PNCK: variants seen among roughly 807,000 people sequenced by gnomAD.
The protein encoded by PNCK is pregnancy up-regulated nonubiquitous CaM kinase.
PNCK carries 21 observed loss-of-function variants against 28.3 expected under a neutral mutation model. The observed-to-expected ratio is 0.74, with a 90% CI of 0.53 to 1.07. The LOEUF is 1.07. PNCK is among the 50% of genes least tolerant of loss of function. The pLI, the probability that PNCK is intolerant of heterozygous loss-of-function variation, is 0.00. For missense variants in PNCK, 250 were observed against 298.3 expected, an observed-to-expected ratio of 0.84 and a Z score of 1.19; for synonymous variants, 136 against 125.2, an observed-to-expected ratio of 1.09 and a Z score of -0.58.
chrX:153,673,700 G>A, intron 1 of PNCK, 80 bp downstream of exon 1: 1 of 564,591 alleles, frequency 1.8e-6, no homozygotes, highest in Middle Eastern at 1.0e-3. Flanking sequence ...TGCTGCGGAC[G>A]CGCAAGGCTG....
intron 7 of PNCK, 24 bp downstream of exon 7, chrX:153,671,261 C>T (rs1557039707): frequency 8.3e-7 from 1 of 1,207,764 alleles, no homozygotes; most frequent in Non-Finnish European, 1.1e-6. Flanking sequence ...AGGCAGGAGA[C>T]AAGCCTTCCC....
At chrX:153,673,178 G>T (rs1303526139) in intron 1 of PNCK, 100 bp from the exon 2 acceptor site, 2 of 1,176,998 alleles carry the variant, frequency 1.7e-6, no homozygotes, top group African/African-American at 3.6e-5. Context: ...CTCAGCCATT[G>T]CCGCTGCGCG....
chrX:153,685,132 G>A (rs2091413136), intron 1 of PNCK, among the ~76,000 whole-genome samples: 1 of 107,008 alleles, frequency 9.3e-6, no homozygotes, highest in Non-Finnish European at 1.9e-5. Flanking sequence ...GCGGAGGCTT[G>A]GAAAGGGCTG....
In PNCK at chrX:153,673,813, T is replaced by G; in HGVS notation, c.-36A>C. On this transcript the variant is annotated 5_prime_UTR_variant, in exon 1 of 12. Transcript: ENST00000340888. The stretch of plus-strand genomic sequence containing the variant: ...GGTGCCGCAGCGTCGTGCCGCGCAG[T>G]GGCCGCAGCGCCAAGCCCCCCGCCC... 1.3e-6 allele frequency: 1 copy of G among 749,261 alleles called. No individual in the cohort carries two copies. The highest frequency in any genetic ancestry group is 1.6e-6 in the Non-Finnish European group (1 of 636,687). The allele number at this position is 749,261 out of a possible 1,213,427, so 61.7% of individuals were successfully genotyped here. A position where few individuals can be genotyped will look rare whatever the true frequency, so the allele number is the denominator to read the frequency against.
chrX:153,670,603 A>G lies in PNCK; in HGVS notation c.895-9T>C. 1 of 1,208,267 alleles carries G rather than the reference A, an allele frequency of 8.3e-7. No homozygotes were observed. Among genetic ancestry groups the G allele is most frequent in the Non-Finnish European group, 1.1e-6 (1 of 894,090 alleles). The stretch of plus-strand genomic sequence containing the variant: ...GTGGCATTGAAGGCTCGCTGCCAGA[A>G]GAGAGGGAGATCAGGCCAGGCCTGG... On this transcript the variant is annotated splice_polypyrimidine_tract_variant and intron_variant, in intron 10 of 11. Transcript: ENST00000340888.
At chrX:153,681,706 T>G (rs1248501765) in intron 1 of PNCK, among the ~76,000 whole-genome samples, 1 of 112,481 alleles carries the variant, frequency 8.9e-6, no homozygotes, top group Non-Finnish European at 1.9e-5. Context: ...CAGTGTTGAT[T>G]CATTGTTTGC....
intron 1 of PNCK, among the ~76,000 whole-genome samples, chrX:153,685,076 C>T (rs1257725250): frequency 9.6e-6 from 1 of 104,285 alleles, no homozygotes; most frequent in Non-Finnish European, 2.0e-5. Flanking sequence ...TGCACATGCT[C>T]GGAACCCCCC....
chrX:153,674,332 C>T (rs1442420451), upstream of PNCK: 23 of 726,731 alleles, frequency 3.2e-5, no homozygotes, highest in Non-Finnish European at 4.2e-5. Context: ...TCATGTCACC[C>T]TCCTGCAGCT....
upstream of PNCK, among the ~76,000 whole-genome samples, chrX:153,679,566 CTTTTTTTTTTT>C (rs1211891003): frequency 2.2e-5 from 1 of 46,091 alleles, no homozygotes; most frequent in African/African-American, 9.2e-5. Flanking sequence ...CTTTTCTTTT[CTTTTTTTTTTT>C]TTTTTTTTTT....
At chrX:153,682,021 C>T (rs1447565524) in intron 1 of PNCK, among the ~76,000 whole-genome samples, 5 of 112,146 alleles carry the variant, frequency 4.5e-5, no homozygotes, top group Admixed American at 9.4e-5. Flanking sequence ...CAGAGTCTTG[C>T]TCTGTCACCC....
At chrX:153,672,921 G>A (rs2091324895) in intron 2 of PNCK, 88 bp downstream of exon 2, 5 of 1,032,418 alleles carry the variant, frequency 4.8e-6, no homozygotes, top group Admixed American at 2.7e-5. Context: ...ACACCCACTC[G>A]CGTAGTCACA....
upstream of PNCK, among the ~76,000 whole-genome samples, chrX:153,675,928 A>G (rs1298256491): frequency 9.3e-6 from 1 of 107,459 alleles, no homozygotes; most frequent in Non-Finnish European, 1.9e-5. Flanking sequence ...GGATCACTTG[A>G]GCCCAGGAGT....
At position 153,672,140 on chromosome X, in the gene PNCK, G is replaced by A. The variant is rs782298797; in HGVS notation, c.261C>T (p.Tyr87=). The part of the protein sequence containing the change: ...EDVHESPSHL[Y]LAMELVTGGE... ...GCCCTCCTCACAGTTCCATGGCCAG[G>A]TAGAGGTGGGAAGGGCTCTCGTGGA... The change falls in exon 4 of 12, where the codon TAC becomes TAT. Residue 87 remains tyrosine, a synonymous_variant. Transcript: ENST00000340888. The A allele has an allele frequency of 5.0e-6, 6 of 1,205,507 alleles. No individual in the cohort carries two copies. The African/African-American group carries it at 8.6e-5, about 17-fold the overall frequency.
chrX:153,670,449 C>T lies in PNCK; in HGVS notation c.*7+1G>A. 2 of 1,211,632 alleles carry T rather than the reference C, an allele frequency of 1.7e-6. No homozygotes were observed. Among genetic ancestry groups the T allele is most frequent in the Admixed American group, 2.2e-5 (1 of 46,171 alleles). On this transcript the variant is annotated splice_donor_variant, in intron 11 of 11. Transcript: ENST00000340888. LOFTEE classifies it low-confidence loss of function (3UTR_SPLICE). ...GGCGTGCAGGGTCCACCCAAACACA[C>T]CTGGGCATCACCACTTGGGGGGCTG... is the stretch of plus-strand genomic sequence containing the variant.
At position 153,670,440 on chromosome X, in the gene PNCK, C is replaced by T. The variant is rs782368313; in HGVS notation, c.*7+10G>A. Reference sequence around the variant, plus strand: ...CAGCTCCTGGGCGTGCAGGGTCCACCCAAACACACCTGGGCATCACCACTT... The same window carrying T: ...CAGCTCCTGGGCGTGCAGGGTCCACTCAAACACACCTGGGCATCACCACTT... On this transcript the variant is annotated intron_variant, in intron 11 of 11. Coordinates refer to ENST00000340888, the MANE Select transcript of PNCK (RefSeq NM_001366977.1). 8.3e-7 allele frequency: 1 copy of T among 1,211,338 alleles called. No individual in the cohort carries two copies. The highest frequency in any genetic ancestry group is 1.1e-6 in the Non-Finnish European group (1 of 895,445).
intron 1 of PNCK, among the ~76,000 whole-genome samples, chrX:153,685,630 G>C (rs1470486741): frequency 8.9e-6 from 1 of 112,775 alleles, no homozygotes; most frequent in Non-Finnish European, 1.9e-5. Context: ...GAAAACTCAG[G>C]GGGAACGCCC....
At chrX:153,675,987 CTTTTT>C (rs59527995), upstream of PNCK, among the ~76,000 whole-genome samples, 2 of 79,951 alleles carry the variant, frequency 2.5e-5, no homozygotes, top group African/African-American at 9.2e-5. Context: ...TTTTTCTTTT[CTTTTT>C]TTTTTTTTTT....
At chrX:153,676,707 T>A (rs1263662424), upstream of PNCK, among the ~76,000 whole-genome samples, 1 of 109,307 alleles carries the variant, frequency 9.1e-6, no homozygotes, top group Non-Finnish European at 1.9e-5. Flanking sequence ...CTACTAAAAA[T>A]GTAAAAATTA....
chrX:153,677,436 G>A (rs189045731), upstream of PNCK, among the ~76,000 whole-genome samples: 1 of 109,743 alleles, frequency 9.1e-6, no homozygotes, highest in East Asian at 2.8e-4. Context: ...ACGAAGATCT[G>A]GGCGCTAGGT....
Sources: gnomAD v4.1 joint callset for allele counts (sites outside exome capture counted in the v4.1 genomes callset) on GRCh38, gnomAD v4.1.1 for gene constraint, MANE v1.5 for transcripts, NCBI Gene and HGNC (gene_info 2026-07-23, HGNC 2026-07-21) for gene names.